Variants in AUH observed in about 807,000 individuals in gnomAD.
AUH encodes methylglutaconyl-CoA hydratase, mitochondrial.
AUH carries 29 observed loss-of-function variants against 42.3 expected under a neutral mutation model. The observed-to-expected ratio is 0.69, with a 90% CI of 0.51 to 0.93. AUH has a LOEUF of 0.93. AUH is among the 40% of genes least tolerant of loss of function. The pLI, the probability that AUH is intolerant of heterozygous loss-of-function variation, is 0.00. For synonymous variants in AUH, 174 were observed against 166.4 expected, an observed-to-expected ratio of 1.05 and a Z score of -0.35; for missense variants, 452 against 438.1, an observed-to-expected ratio of 1.03 and a Z score of -0.28.
At chr9:91,233,601 G>A (rs559284383) in intron 6 of AUH, among the ~76,000 whole-genome samples, 4 of 152,278 alleles carry the variant, frequency 2.6e-5, no homozygotes, top group South Asian at 4.1e-4. Flanking sequence ...ACAGGAATGC[G>A]TATGCCATAA....
In AUH at chr9:91,356,168, G is replaced by GA. The variant is rs757688660; in HGVS notation, c.263-14dup. On this transcript the variant is annotated splice_polypyrimidine_tract_variant and intron_variant, in intron 1 of 9. Coordinates refer to ENST00000375731, the MANE Select transcript of AUH (RefSeq NM_001698.3). ...AGCACCACAATTCCTAGTTAAAGGG[G>GA]AAAAAAAGTACAAGCACTTGAGTGA... 2.5e-6 allele frequency: 4 copies of GA among 1,611,572 alleles called. No homozygotes were observed. Among genetic ancestry groups the GA allele is most frequent in the South Asian group, 2.2e-5 (2 of 90,960 alleles).
In AUH at chr9:91,247,942, A is replaced by G. The variant is rs140436127; in HGVS notation, c.656-26950T>C. Reference sequence around the variant, plus strand: ...CCTTTATCAAAAATATGATTTACACATATCTTCTTCTATTCTGGAGCTCGT... The same window carrying G: ...CCTTTATCAAAAATATGATTTACACGTATCTTCTTCTATTCTGGAGCTCGT... On this transcript the variant is annotated intron_variant, in intron 6 of 9. Transcript: ENST00000375731. Among the ~76,000 whole-genome samples the G allele has an allele frequency of 4.1e-3, 619 of 152,270 alleles. 9 individuals are homozygous for G. Among genetic ancestry groups the G allele is most frequent in the African/African-American group, 0.014 (601 of 41,556 alleles).
rs183459737 is a variant in AUH, at chr9:91,345,400, T to G, written c.418+10483A>C. The stretch of plus-strand genomic sequence containing the variant: ...AATCAATATACTAGCAATATACTAG[T>G]AATAAAAAATTGGGAGTAAAATTAA... On this transcript the variant is annotated intron_variant, in intron 3 of 9. Transcript: ENST00000375731. 4.9e-3 allele frequency among the ~76,000 whole-genome samples: 741 copies of G among 152,276 alleles called. 4 individuals carry two copies. Among genetic ancestry groups the G allele is most frequent in the Admixed American group, 8.2e-3 (125 of 15,294 alleles).
chr9:91,289,097 A>C (rs1826654024), intron 6 of AUH, among the ~76,000 whole-genome samples: 1 of 152,230 alleles, frequency 6.6e-6, no homozygotes, highest in East Asian at 1.9e-4. Flanking sequence ...TCTTGTCTTT[A>C]TCAAATGTAC....
intron 3 of AUH, 78 bp from the exon 4 acceptor site, chr9:91,325,482 A>G (rs1829906830): frequency 8.5e-7 from 1 of 1,180,286 alleles, no homozygotes; most frequent in Non-Finnish European, 1.3e-6. Context: ...TTTACTTAAG[A>G]TTAGTATACA....
rs530836913 is a variant in AUH at position 91,225,545 on chromosome 9, T to TTTA, written c.656-4556_656-4554dup. ...ATTCCTAAAGTGCCAGTTCTTTTTT[T>TTTA]TTATTATTATTATTATTATACTTTA... On this transcript the variant is annotated intron_variant, in intron 6 of 9. Transcript: ENST00000375731. Among the ~76,000 whole-genome samples, 599 of 151,698 alleles carry TTTA rather than the reference T, an allele frequency of 3.9e-3. 5 individuals carry two copies. Among genetic ancestry groups the TTTA allele is most frequent in the African/African-American group, 0.013 (525 of 41,410 alleles).
chr9:91,277,028 T>G (rs1825601716), intron 6 of AUH, among the ~76,000 whole-genome samples: 2 of 152,018 alleles, frequency 1.3e-5, no homozygotes, highest in South Asian at 4.1e-4. Context: ...TCCACAAAAA[T>G]TTTTTTAAAA....
intron 7 of AUH, among the ~76,000 whole-genome samples, chr9:91,220,474 A>G (rs2131212547): frequency 6.6e-6 from 1 of 152,310 alleles, no homozygotes; most frequent in South Asian, 2.1e-4. Context: ...CTTTCTTTCC[A>G]TGGCTATGGC....
At chr9:91,325,503 C>T in intron 3 of AUH, 99 bp from the exon 4 acceptor site, 2 of 930,124 alleles carry the variant, frequency 2.2e-6, no homozygotes, top group East Asian at 2.5e-5. Flanking sequence ...ACTTCAAGAT[C>T]AGCCTAATTC....
At chr9:91,348,163 C>G (rs1831681075) in intron 3 of AUH, among the ~76,000 whole-genome samples, 1 of 151,080 alleles carries the variant, frequency 6.6e-6, no homozygotes, top group South Asian at 2.1e-4. Context: ...GTCATCAAAA[C>G]AGATATACAG....
intron 6 of AUH, among the ~76,000 whole-genome samples, chr9:91,240,713 T>C (rs1828463573): frequency 6.6e-6 from 1 of 151,784 alleles, no homozygotes; most frequent in South Asian, 2.1e-4. Context: ...GGTTAGTGGC[T>C]ACAATACTAG....
chr9:91,349,088 AAAC>A (rs965357803), intron 3 of AUH, among the ~76,000 whole-genome samples: 8 of 152,242 alleles, frequency 5.3e-5, no homozygotes, highest in African/African-American at 1.9e-4. Flanking sequence ...TAAGATTCTG[AAAC>A]AACAACGGCC....
At chr9:91,308,417 A>G (rs1352441115) in intron 4 of AUH, among the ~76,000 whole-genome samples, 1 of 152,102 alleles carries the variant, frequency 6.6e-6, no homozygotes, top group Non-Finnish European at 1.5e-5. Context: ...GATGTTAATA[A>G]CTCATAAAAG....
In AUH at chr9:91,330,591, C is replaced by G. The variant is rs142241463; in HGVS notation, c.419-5187G>C. Among the ~76,000 whole-genome samples, 6 of 152,212 alleles carry G rather than the reference C, an allele frequency of 3.9e-5. No homozygotes were observed. The East Asian group carries it at 1.2e-3, about 29-fold the overall frequency. ...CAATTCCACTCCAAATATACACACT[C>G]AACAAAAAATGCATGATGTGTACTA... On this transcript the variant is annotated intron_variant, in intron 3 of 9. Coordinates refer to ENST00000375731, the MANE Select transcript of AUH (RefSeq NM_001698.3).
intron 3 of AUH, among the ~76,000 whole-genome samples, chr9:91,332,777 G>A (rs925392427): frequency 2.6e-5 from 4 of 152,106 alleles, no homozygotes; most frequent in Admixed American, 6.6e-5. Flanking sequence ...GGAGAAATGC[G>A]TGCGCACAAT....
chr9:91,257,440 G>A (rs2131419534), intron 6 of AUH, among the ~76,000 whole-genome samples: 1 of 152,276 alleles, frequency 6.6e-6, no homozygotes, highest in Non-Finnish European at 1.5e-5. Context: ...AGCAGTGCGA[G>A]GAGCCTCTTG....
At chr9:91,291,131 ACT>A (rs1826843798) in intron 6 of AUH, among the ~76,000 whole-genome samples, 1 of 152,050 alleles carries the variant, frequency 6.6e-6, no homozygotes, top group East Asian at 1.9e-4. Context: ...GTATTACTGC[ACT>A]CTGTTTCTGT....
chr9:91,295,047 C>T (rs1186911480), intron 6 of AUH, among the ~76,000 whole-genome samples: 1 of 152,208 alleles, frequency 6.6e-6, no homozygotes, highest in Admixed American at 6.5e-5. Flanking sequence ...ATACTATTCT[C>T]GTCGTGGTGA....
At chr9:91,326,425 A>C (rs909378485) in intron 3 of AUH, among the ~76,000 whole-genome samples, 1 of 152,204 alleles carries the variant, frequency 6.6e-6, no homozygotes, top group African/African-American at 2.4e-5. Flanking sequence ...ACTAGCAAAA[A>C]AATGGATATA....
Sources: allele counts gnomAD v4.1 joint callset (sites outside exome capture counted in the v4.1 genomes callset), GRCh38; gene constraint gnomAD v4.1.1; transcripts MANE v1.5; gene names NCBI Gene and HGNC (gene_info 2026-07-23, HGNC 2026-07-21).